TCF23: variants seen among roughly 807,000 people sequenced by gnomAD.
TCF23 encodes transcription factor 23.
A neutral mutation model predicts 13.0 loss-of-function variants in TCF23; 7 were observed. The observed-to-expected ratio is 0.54, with a 90% confidence interval of 0.31 to 1.01. TCF23 has a LOEUF of 1.01. Ranked by LOEUF, TCF23 falls within the 50% of genes least tolerant of loss-of-function variation. The pLI is 0.06. For missense variants in TCF23, 257 were observed against 289.8 expected, an observed-to-expected ratio of 0.89 and a Z score of 0.82; for synonymous variants, 122 against 119.5, an observed-to-expected ratio of 1.02 and a Z score of -0.14.
intron 1 of TCF23, chr2:27,149,610 T>A: frequency 1.6e-6 from 1 of 643,998 alleles, no homozygotes. Flanking sequence ...AAGAGGGATG[T>A]GAATTTCCCA....
chr2:27,149,821 GC>G (rs1237148311), intron 1 of TCF23: 23 of 676,218 alleles, frequency 3.4e-5, no homozygotes, highest in Non-Finnish European at 2.8e-6. Context: ...TTCAGATTGG[GC>G]ATGGGACAGG....
rs769398934 is a variant in TCF23, at chr2:27,152,782, A to G, written c.560A>G (p.Asp187Gly). Residue 187 changes from aspartate to glycine, a missense_variant, in exon 3 of 3, where the codon GAT becomes GGT. Transcript: ENST00000296096. The stretch of plus-strand genomic sequence containing the variant: ...AGCACCCCCAGCCAAAGAACAAGAG[A>G]TGCAGAGGTGGGGTCCCAAGTCCCT... ...TASTPSQRTR[D>G]AEVGSQVPGE... 1 of 1,614,118 alleles carries G rather than the reference A, an allele frequency of 6.2e-7. No individual in the cohort carries two copies. Among genetic ancestry groups the G allele is most frequent in the South Asian group, 1.1e-5 (1 of 91,082 alleles).
intron 2 of TCF23, 64 bp from the exon 3 acceptor site, chr2:27,152,624 A>G: frequency 6.4e-7 from 1 of 1,565,660 alleles, no homozygotes; most frequent in Non-Finnish European, 8.7e-7. Context: ...TTGGGTGTCA[A>G]GGATCCTGGA....
chr2:27,150,012 T>C lies in TCF23; in HGVS notation c.223-111T>C. 1 of 1,498,094 alleles carries C rather than the reference T, an allele frequency of 6.7e-7. No homozygotes were observed. Among genetic ancestry groups the C allele is most frequent in the Non-Finnish European group, 8.9e-7 (1 of 1,119,914 alleles). 92.8% of individuals were successfully genotyped at this position (1,498,094 alleles called of 1,614,324 possible). ...AGGTGGGCAGAGGCCCTCTGGTGCC[T>C]ACTGCTAGACACCCTTCTACTCTGG... On this transcript the variant is annotated intron_variant, in intron 1 of 2. Coordinates refer to ENST00000296096, the MANE Select transcript of TCF23 (RefSeq NM_175769.3). This position sits in a 1 kb window ranked among gnomAD's most constrained non-coding sequence, Gnocchi z 4.1.
rs1015479249 is a variant in TCF23 at position 27,150,257 on chromosome 2, G to T, written c.357G>T (p.Val119=). The T allele has an allele frequency of 5.6e-6, 9 of 1,613,590 alleles. No individual in the cohort carries two copies. The highest frequency in any genetic ancestry group is 4.2e-6 in the Non-Finnish European group (5 of 1,179,962). The change falls in exon 2 of 3, where the codon GTG becomes GTT. Residue 119 remains valine (V), a synonymous_variant. Coordinates refer to ENST00000296096, the MANE Select transcript of TCF23 (RefSeq NM_175769.3). This position sits in a 1 kb window ranked among gnomAD's most constrained non-coding sequence, Gnocchi z 4.1. ...DTKLSKLDVL[V]LAASYIAHLT... Reference sequence around the variant, plus strand: ...AGCTCTCCAAGTTGGACGTGCTGGTGCTCGCCGCCAGCTACATAGCCCACC... The same window carrying T: ...AGCTCTCCAAGTTGGACGTGCTGGTTCTCGCCGCCAGCTACATAGCCCACC...
rs150401747 is a variant in TCF23, at chr2:27,149,261, A to G, written c.128A>G (p.Asp43Gly). 2.7e-4 allele frequency: 424 copies of G among 1,589,626 alleles called. No individual in the cohort carries two copies. The highest frequency in any genetic ancestry group is 3.6e-4 in the Non-Finnish European group (415 of 1,168,286). ...KRSRLSRTRQ[D>G]PWEERSWSNQ... Reference sequence around the variant, plus strand: ...AGCCGCCTCAGCAGGACAAGGCAGGACCCGTGGGAAGAAAGAAGCTGGAGC... The same window carrying G: ...AGCCGCCTCAGCAGGACAAGGCAGGGCCCGTGGGAAGAAAGAAGCTGGAGC... Residue 43 changes from aspartate (D) to glycine (G), a missense_variant, in exon 1 of 3, where the codon GAC becomes GGC. Coordinates refer to ENST00000296096, the MANE Select transcript of TCF23 (RefSeq NM_175769.3).
chr2:27,153,041 C>T lies in TCF23; in HGVS notation c.*174C>T. 2 of 1,379,550 alleles carry T rather than the reference C, an allele frequency of 1.4e-6. No homozygotes were observed. Among genetic ancestry groups the T allele is most frequent in the South Asian group, 1.8e-5 (1 of 55,230 alleles). 85.5% of individuals were successfully genotyped at this position (1,379,550 alleles called of 1,614,324 possible). A position where few individuals can be genotyped will look rare whatever the true frequency, so the allele number is the denominator to read the frequency against. Reference sequence around the variant, plus strand: ...GTGATGGACAGTACCTAGAGGGGCACAGGTTGGAGAGCCTCCTCCTTGGTC... The same window carrying T: ...GTGATGGACAGTACCTAGAGGGGCATAGGTTGGAGAGCCTCCTCCTTGGTC... On this transcript the variant is annotated 3_prime_UTR_variant, in exon 3 of 3. Coordinates refer to ENST00000296096, the MANE Select transcript of TCF23 (RefSeq NM_175769.3).
intron 2 of TCF23, 147 bp from the exon 3 acceptor site, chr2:27,152,541 A>G (rs537010875): frequency 8.0e-6 from 7 of 877,046 alleles, no homozygotes; most frequent in African/African-American, 1.7e-5. Context: ...GGGGCTGTAC[A>G]TGATGATGAC....
At chr2:27,152,259 G>A (rs1346972970) in intron 2 of TCF23, among the ~76,000 whole-genome samples, 2 of 152,252 alleles carry the variant, frequency 1.3e-5, no homozygotes, top group South Asian at 2.1e-4. Context: ...ACAGGAGGGC[G>A]ACCTCAGGGC....
chr2:27,152,144 A>G (rs937175099), intron 2 of TCF23, among the ~76,000 whole-genome samples: 5 of 152,206 alleles, frequency 3.3e-5, no homozygotes, highest in African/African-American at 1.2e-4. Flanking sequence ...ATGCTGAAGA[A>G]TGAACCAATG....
rs1436695727 is a variant in TCF23 at position 27,155,385 on chromosome 2, A to C, written c.*2518A>C. The C allele has an allele frequency of 6.6e-6, 1 of 152,292 alleles. No homozygotes were observed. The highest frequency in any genetic ancestry group is 1.5e-5 in the Non-Finnish European group (1 of 68,112). 9.4% of individuals were successfully genotyped at this position (152,292 alleles called of 1,614,324 possible). ...TGACAAGCACAGTAATGCCCTTGAGACATGTCAGGACTTGGATGCGTGAAT... is the reference window on the plus strand; with the variant it reads ...TGACAAGCACAGTAATGCCCTTGAGCCATGTCAGGACTTGGATGCGTGAAT... On this transcript the variant is annotated 3_prime_UTR_variant, in exon 3 of 3. Coordinates refer to ENST00000296096, the MANE Select transcript of TCF23 (RefSeq NM_175769.3).
intron 1 of TCF23, chr2:27,149,563 G>T: frequency 1.5e-6 from 1 of 653,584 alleles, no homozygotes; most frequent in Non-Finnish European, 2.8e-6. Context: ...TCAGAGAGCT[G>T]CACTAACTCA....
At position 27,156,180 on chromosome 2, in the gene TCF23, G is replaced by T. The variant is rs939659607; in HGVS notation, c.*3313G>T. ...TGTCTCTACTAAAAATACGAAATTAGCTGGGTGTGGTGGCACATGCCTATA... is the reference window on the plus strand; with the variant it reads ...TGTCTCTACTAAAAATACGAAATTATCTGGGTGTGGTGGCACATGCCTATA... On this transcript the variant is annotated 3_prime_UTR_variant, in exon 3 of 3. Transcript: ENST00000296096. The T allele has an allele frequency of 6.6e-6, 1 of 152,024 alleles. No homozygotes were observed. Among genetic ancestry groups the T allele is most frequent in the Non-Finnish European group, 1.5e-5 (1 of 68,064 alleles). 9.4% of individuals were successfully genotyped at this position (152,024 alleles called of 1,614,324 possible). A position where few individuals can be genotyped will look rare whatever the true frequency, so the allele number is the denominator to read the frequency against.
Position 27,152,971 on chromosome 2 carries a change from C to A in TCF23, c.*104C>A. ...GCCATCAGACTTGACTCAGACTCAG[C>A]TCCCAAGTTCCAGCATGCAGACCAA... On this transcript the variant is annotated 3_prime_UTR_variant, in exon 3 of 3. Coordinates refer to ENST00000296096, the MANE Select transcript of TCF23 (RefSeq NM_175769.3). The A allele has an allele frequency of 2.6e-6, 4 of 1,531,972 alleles. No homozygotes were observed. The highest frequency in any genetic ancestry group is 3.5e-6 in the Non-Finnish European group (4 of 1,140,846). The allele number at this position is 1,531,972 out of a possible 1,614,324, so 94.9% of individuals were successfully genotyped here. A position where few individuals can be genotyped will look rare whatever the true frequency, so the allele number is the denominator to read the frequency against.
In TCF23 at chr2:27,155,536, G is replaced by C. The variant is rs1476565012; in HGVS notation, c.*2669G>C. ...GGGCGGATCATGAGGTCAGGAGTTC[G>C]AGACCAGCCTCGCCAACATGATGAA... On this transcript the variant is annotated 3_prime_UTR_variant, in exon 3 of 3. Coordinates refer to ENST00000296096, the MANE Select transcript of TCF23 (RefSeq NM_175769.3). 1.3e-5 allele frequency: 2 copies of C among 151,934 alleles called. No homozygotes were observed. Among genetic ancestry groups the C allele is most frequent in the African/African-American group, 4.8e-5 (2 of 41,372 alleles). The allele number at this position is 151,934 out of a possible 1,614,324, so 9.4% of individuals were successfully genotyped here. A position where few individuals can be genotyped will look rare whatever the true frequency, so the allele number is the denominator to read the frequency against.
intron 1 of TCF23, 56 bp downstream of exon 1, chr2:27,149,411 G>T: frequency 6.8e-7 from 1 of 1,477,224 alleles, no homozygotes; most frequent in South Asian, 1.2e-5. Flanking sequence ...TTGGAAGGTG[G>T]GGAGATGTCA....
rs1221511616 is a variant in TCF23, at chr2:27,153,496, TGCACTC to T, written c.*630_*635del. 2 of 156,890 alleles carry T rather than the reference TGCACTC, an allele frequency of 1.3e-5. No homozygotes were observed. The highest frequency in any genetic ancestry group is 4.9e-5 in the African/African-American group (2 of 41,036). The allele number at this position is 156,890 out of a possible 1,614,324, so 9.7% of individuals were successfully genotyped here. ...TACATTTTCTCTCCCTCTCGGCTCCTGCACTCTTCCACTCTTTTCTTTTCTTTTCTT... is the reference window on the plus strand; with the variant it reads ...TACATTTTCTCTCCCTCTCGGCTCCTTTCCACTCTTTTCTTTTCTTTTCTT... On this transcript the variant is annotated 3_prime_UTR_variant, in exon 3 of 3. Transcript: ENST00000296096.
chr2:27,149,961 A>T (rs1672734014), intron 1 of TCF23, 162 bp from the exon 2 acceptor site: 1 of 1,231,748 alleles, frequency 8.1e-7, no homozygotes, highest in African/African-American at 1.5e-5. Context: ...CTCAGCTGTG[A>T]AACGCGGCAG....
rs1404958317 is a variant in TCF23 at position 27,153,436 on chromosome 2, T to C, written c.*569T>C. 4 of 153,046 alleles carry C rather than the reference T, an allele frequency of 2.6e-5. No individual in the cohort carries two copies. The highest frequency in any genetic ancestry group is 9.6e-5 in the African/African-American group (4 of 41,454). The allele number at this position is 153,046 out of a possible 1,614,324, so 9.5% of individuals were successfully genotyped here. The stretch of plus-strand genomic sequence containing the variant: ...GAGGAATTCAGGATTCCTCCCTCTG[T>C]AGTATGGGCCTTTCCAGAAGCTGCC... On this transcript the variant is annotated 3_prime_UTR_variant, in exon 3 of 3. Transcript: ENST00000296096.
Sources: gnomAD v4.1 joint callset for allele counts (sites outside exome capture counted in the v4.1 genomes callset) on GRCh38, gnomAD v4.1.1 for gene constraint, Gnocchi (gnomAD v3.1) non-coding constraint, MANE v1.5 for transcripts, NCBI Gene and HGNC (gene_info 2026-07-23, HGNC 2026-07-21) for gene names.